The following LEPR variants were observed in gnomAD, a reference collection of about 807,000 sequenced individuals.
LEPR encodes the protein leptin receptor, also known as OB receptor.
Under a neutral mutation model 114.7 loss-of-function variants are expected in LEPR, and 56 were observed. The ratio of observed to expected loss-of-function variants is 0.49; its 90% CI spans 0.39 to 0.61. LEPR has a LOEUF of 0.61. Among genes scored for constraint, LEPR ranks in the 20% least tolerant of loss-of-function variants. The pLI is 0.00. For synonymous variants in LEPR, 443 were observed against 461.4 expected (o/e 0.96, Z 0.51); for missense variants, 1,202 against 1,352.9 (o/e 0.89, Z 1.75).
intron 7 of LEPR, among the ~76,000 whole-genome samples, chr1:65,597,035 A>G (rs1234207609): frequency 6.6e-6 from 1 of 152,104 alleles, no homozygotes; most frequent in African/African-American, 2.4e-5. Context: ...CCCACCCTGG[A>G]TATCTGATGA....
intron 2 of LEPR, among the ~76,000 whole-genome samples, chr1:65,454,887 T>G (rs1646845621): frequency 6.6e-6 from 1 of 152,236 alleles, no homozygotes; most frequent in Admixed American, 6.5e-5. Context: ...TTTTCCAACT[T>G]GGTTCCATTC....
intron 2 of LEPR, among the ~76,000 whole-genome samples, chr1:65,535,840 G>T (rs1305198720): frequency 6.6e-6 from 1 of 152,118 alleles, no homozygotes; most frequent in Non-Finnish European, 1.5e-5. Context: ...CTGACCAGAG[G>T]TTCTGTGGGA....
chr1:65,575,295 G>T (rs1439194027), intron 5 of LEPR, among the ~76,000 whole-genome samples: 1 of 151,718 alleles, frequency 6.6e-6, no homozygotes, highest in Non-Finnish European at 1.5e-5. Context: ...AGCATAGGGT[G>T]CATTTGAAGA....
chr1:65,612,924 AGGTAGTGTTGTC>A (rs1657268622), intron 14 of LEPR, among the ~76,000 whole-genome samples: 2 of 151,578 alleles, frequency 1.3e-5, no homozygotes, highest in Admixed American at 6.6e-5. Flanking sequence ...TGTCTGGCTG[AGGTAGTGTTGTC>A]TGGCTTCCCA....
chr1:65,523,189 T>C (rs1450362769), intron 2 of LEPR, among the ~76,000 whole-genome samples: 1 of 152,246 alleles, frequency 6.6e-6, no homozygotes, highest in Non-Finnish European at 1.5e-5. Context: ...GGTGCCATGC[T>C]TGACCTTCAA....
chr1:65,484,093 G>C (rs938977851), intron 2 of LEPR, among the ~76,000 whole-genome samples: 1 of 151,978 alleles, frequency 6.6e-6, no homozygotes, highest in Non-Finnish European at 1.5e-5. Flanking sequence ...CTAGCTTCAA[G>C]AGATCCTCTT....
chr1:65,573,586 G>A (rs1196956020), intron 5 of LEPR, among the ~76,000 whole-genome samples: 1 of 152,112 alleles, frequency 6.6e-6, no homozygotes, highest in African/African-American at 2.4e-5. Flanking sequence ...CCATTTTTAT[G>A]TCAATTTTAA....
chr1:65,568,130 G>T (rs369181949), intron 3 of LEPR, among the ~76,000 whole-genome samples: 89 of 152,118 alleles, frequency 5.9e-4, no homozygotes, highest in African/African-American at 1.9e-3. Context: ...CCATAGTTGT[G>T]CGTTTTATAG....
At chr1:65,556,593 G>A (rs1006666703) in intron 2 of LEPR, among the ~76,000 whole-genome samples, 2 of 152,088 alleles carry the variant, frequency 1.3e-5, no homozygotes, top group African/African-American at 4.8e-5. Context: ...CCAAAAAATG[G>A]TTAAGAATCA....
At chr1:65,511,867 C>T (rs367806236) in intron 2 of LEPR, among the ~76,000 whole-genome samples, 3 of 152,236 alleles carry the variant, frequency 2.0e-5, no homozygotes, top group Non-Finnish European at 2.9e-5. Context: ...CTCTGCAACT[C>T]GGGTTAGTGT....
intron 2 of LEPR, chr1:65,434,382 CTG>C (rs1249781146): frequency 1.2e-5 from 12 of 985,144 alleles, no homozygotes; most frequent in Non-Finnish European, 1.4e-5. Flanking sequence ...TAGTCGAAAA[CTG>C]AGATTGCACT....
At chr1:65,601,066 C>G (rs886708091) in intron 8 of LEPR, among the ~76,000 whole-genome samples, 1 of 151,936 alleles carries the variant, frequency 6.6e-6, no homozygotes. Flanking sequence ...TTGAATTAAG[C>G]TATATTTTGT....
At chr1:65,475,179 T>C (rs368119631) in intron 2 of LEPR, among the ~76,000 whole-genome samples, 1 of 152,142 alleles carries the variant, frequency 6.6e-6, no homozygotes, top group East Asian at 1.9e-4. Context: ...ATTACTGAAT[T>C]ACAAGTTAAT....
Position 65,440,491 on chromosome 1 carries a change from G to A in LEPR, c.-21+15113G>A, listed in dbSNP as rs1021398319. 3.9e-5 allele frequency among the ~76,000 whole-genome samples: 6 copies of A among 152,148 alleles called. No homozygotes were observed. The East Asian group carries it at 5.8e-4, about 15-fold the overall frequency. On this transcript the variant is annotated intron_variant, in intron 2 of 19. Coordinates refer to ENST00000349533, the MANE Select transcript of LEPR (RefSeq NM_002303.6). Reference sequence around the variant, plus strand: ...AATATGTGTGAGTGTGCGTGTGGGCGTGAACGGGTGACGGTGGCTTCTGTT... The same window carrying A: ...AATATGTGTGAGTGTGCGTGTGGGCATGAACGGGTGACGGTGGCTTCTGTT...
At chr1:65,542,900 T>C (rs944810075) in intron 2 of LEPR, among the ~76,000 whole-genome samples, 2 of 152,032 alleles carry the variant, frequency 1.3e-5, no homozygotes, top group Non-Finnish European at 1.5e-5. Context: ...TCTTTGCTGT[T>C]GTGAATAGTG....
intron 2 of LEPR, among the ~76,000 whole-genome samples, chr1:65,489,279 T>C (rs771116372): frequency 2.0e-5 from 3 of 152,212 alleles, no homozygotes; most frequent in Non-Finnish European, 4.4e-5. Flanking sequence ...CCAGCATTTG[T>C]TACTGTCTGT....
chr1:65,580,537 A>C (rs1654909666), intron 5 of LEPR, among the ~76,000 whole-genome samples: 4 of 152,230 alleles, frequency 2.6e-5, no homozygotes, highest in Admixed American at 2.0e-4. Flanking sequence ...TCTGAAGGAC[A>C]GATACTCTAG....
chr1:65,463,525 C>G (rs529983839), intron 2 of LEPR, among the ~76,000 whole-genome samples: 2 of 151,950 alleles, frequency 1.3e-5, no homozygotes, highest in East Asian at 3.9e-4. Context: ...TGGTTCCATA[C>G]GAACTTTACA....
At chr1:65,609,050 C>G in intron 12 of LEPR, 149 bp downstream of exon 12, 1 of 1,126,386 alleles carries the variant, frequency 8.9e-7, no homozygotes, top group African/African-American at 1.6e-5. Context: ...TTATCTAAGT[C>G]TAACTTTTTT....
Sources: allele counts gnomAD v4.1 joint callset (sites outside exome capture counted in the v4.1 genomes callset), GRCh38; gene constraint gnomAD v4.1.1; transcripts MANE v1.5; gene names NCBI Gene and HGNC (gene_info 2026-07-23, HGNC 2026-07-21).